Variants in PITPNM2 observed in about 807,000 individuals in gnomAD.
The protein encoded by PITPNM2 is membrane-associated phosphatidylinositol transfer protein 2.
A neutral mutation model predicts 132.2 loss-of-function variants in PITPNM2; 35 were observed. The observed-to-expected ratio is 0.26, with a 90% CI of 0.20 to 0.35. The LOEUF is 0.35. Among genes scored for constraint, PITPNM2 ranks in the 10% least tolerant of loss-of-function variants. The pLI, the probability that PITPNM2 is intolerant of heterozygous loss-of-function variation, is 1.00. For synonymous variants in PITPNM2, 738 were observed against 799.2 expected, an observed-to-expected ratio of 0.92 and a Z score of 1.29; for missense variants, 1,332 against 1,912.0, an observed-to-expected ratio of 0.70 and a Z score of 5.66.
intron 2 of PITPNM2, among the ~76,000 whole-genome samples, chr12:123,085,990 C>T (rs537031298): frequency 2.0e-5 from 3 of 152,368 alleles, no homozygotes; most frequent in African/African-American, 7.2e-5. Flanking sequence ...TGGACACCTC[C>T]CTGGAAGGCA....
intron 6 of PITPNM2, among the ~76,000 whole-genome samples, chr12:123,006,792 G>A (rs754523722): frequency 6.6e-6 from 1 of 151,778 alleles, no homozygotes; most frequent in Non-Finnish European, 1.5e-5. Context: ...GGGTTGCCTT[G>A]GGCCAGGGTG....
Position 122,986,448 on chromosome 12 carries a change from C to A in PITPNM2, c.3714G>T (p.Gln1238His). Residue 1238 changes from glutamine to histidine, a missense_variant, in exon 25 of 26, where the codon CAG becomes CAT. Physicochemically the swap from Gln to His is conservative, Grantham distance 24 (BLOSUM62 0). Transcript: ENST00000320201. ...YIVGRPTKKL[Q>H]QQCQFITDGY... Reference sequence around the variant, plus strand: ...TGCGCCCACTCACCTGGCACTGCTGCTGCAGCTTCTTGGTGGGCCGGCCCA... The same window carrying A: ...TGCGCCCACTCACCTGGCACTGCTGATGCAGCTTCTTGGTGGGCCGGCCCA... 6.4e-7 allele frequency: 1 copy of A among 1,574,230 alleles called. No individual in the cohort carries two copies. Among genetic ancestry groups the A allele is most frequent in the Admixed American group, 1.9e-5 (1 of 53,298 alleles).
intron 2 of PITPNM2, among the ~76,000 whole-genome samples, chr12:123,074,967 G>A (rs2041738185): frequency 6.6e-6 from 1 of 152,224 alleles, no homozygotes; most frequent in Non-Finnish European, 1.5e-5. Context: ...CCGTTTACAT[G>A]GGATCATGTT....
At chr12:123,124,829 T>A (rs1285303571) in intron 1 of PITPNM2, among the ~76,000 whole-genome samples, 1 of 152,216 alleles carries the variant, frequency 6.6e-6, no homozygotes, top group African/African-American at 2.4e-5. Context: ...ATATATATGA[T>A]CTTTATATTT....
intron 2 of PITPNM2, chr12:123,090,313 G>A (rs1169892468): frequency 6.6e-6 from 1 of 152,244 alleles, no homozygotes; most frequent in Non-Finnish European, 1.5e-5. Context: ...GTCCTCACAA[G>A]ATGGTGGCTG....
chr12:123,080,823 A>G lies in PITPNM2; in HGVS notation c.-96+29562T>C, dbSNP rs186189110. Among the ~76,000 whole-genome samples the G allele has an allele frequency of 4.2e-3, 642 of 152,292 alleles. 1 individual carries two copies. Among genetic ancestry groups the G allele is most frequent in the Non-Finnish European group, 7.1e-3 (482 of 68,014 alleles). ...TGAATGGGGCAACAATCTCTACCCC[A>G]TGGGTTTGCTCTAGAGATGATGCTG... On this transcript the variant is annotated intron_variant, in intron 2 of 25. Coordinates refer to ENST00000320201, the MANE Select transcript of PITPNM2 (RefSeq NM_020845.3).
chr12:123,066,799 C>G (rs559344346), intron 2 of PITPNM2, among the ~76,000 whole-genome samples: 1 of 152,042 alleles, frequency 6.6e-6, no homozygotes, highest in Non-Finnish European at 1.5e-5. Flanking sequence ...GCCTACTGGA[C>G]CCCCTCGGCT....
intron 2 of PITPNM2, among the ~76,000 whole-genome samples, chr12:123,076,397 T>TG (rs1771328064): frequency 6.6e-6 from 1 of 152,182 alleles, no homozygotes; most frequent in Admixed American, 6.5e-5. Flanking sequence ...AACAGGGCTT[T>TG]GGGGAGATAA....
rs1014835595 is a variant in PITPNM2, at chr12:122,984,881, A to G, written c.*1146T>C. On this transcript the variant is annotated 3_prime_UTR_variant, in exon 26 of 26. Transcript: ENST00000320201. ...GGTCAGACCCAGCGTGCAGGACAGC[A>G]TGGTCCTTGTTCAGGCGAGAAATGA... 5 of 152,294 alleles carry G rather than the reference A, an allele frequency of 3.3e-5. No individual in the cohort carries two copies. The highest frequency in any genetic ancestry group is 2.0e-4 in the Admixed American group (3 of 15,286). 9.4% of individuals were successfully genotyped at this position (152,294 alleles called of 1,614,324 possible). A position where few individuals can be genotyped will look rare whatever the true frequency, so the allele number is the denominator to read the frequency against.
chr12:123,004,557 C>A lies in PITPNM2; in HGVS notation c.953-68G>T, dbSNP rs770716090. ...GGGCCCAGAGGCTGCCCTGAGCCGG[C>A]AGGAGGCAGGGAGGGCCACCCACAG... On this transcript the variant is annotated intron_variant, in intron 7 of 25. Transcript: ENST00000320201. The surrounding 1 kb of genome is among the most constrained non-coding windows in gnomAD (Gnocchi z 4.9). 1.5e-5 allele frequency: 23 copies of A among 1,516,598 alleles called. No homozygotes were observed. In the African/African-American group the frequency reaches 2.3e-4, roughly 15 times the overall value. 93.9% of individuals were successfully genotyped at this position (1,516,598 alleles called of 1,614,324 possible).
rs1330623725 is a variant in PITPNM2, at chr12:122,997,427, T to A, written c.1370A>T (p.Asp457Val). 1 of 1,613,418 alleles carries A rather than the reference T, an allele frequency of 6.2e-7. No individual in the cohort carries two copies. The highest frequency in any genetic ancestry group is 1.3e-5 in the African/African-American group (1 of 74,928). Residue 457 changes from aspartate (D) to valine (V), a missense_variant, in exon 11 of 26, where the codon GAC becomes GTC. By Grantham distance (152) the Asp-to-Val change is radical. Transcript: ENST00000320201. ...GGGGTAGTGCACGCGCATGACGGTG[T>A]CGAACACGTTGGCGATGGTGTTAGC... ...GDANTIANVF[D>V]TVMRVHYPSA...
At chr12:123,142,410 G>T (rs1565883759) in intron 1 of PITPNM2, among the ~76,000 whole-genome samples, 1 of 152,256 alleles carries the variant, frequency 6.6e-6, no homozygotes, top group Non-Finnish European at 1.5e-5. Context: ...GGGGAAGAAT[G>T]AAGTCTCGAG....
intron 11 of PITPNM2, among the ~76,000 whole-genome samples, 185 bp from the exon 12 acceptor site, chr12:122,997,095 A>G (rs2038462372): frequency 1.3e-5 from 2 of 152,122 alleles, no homozygotes; most frequent in Admixed American, 1.3e-4. Context: ...GCAGGCCAAT[A>G]TCCCCACATT....
At chr12:123,029,002 C>T (rs2039974191) in intron 3 of PITPNM2, among the ~76,000 whole-genome samples, 1 of 152,174 alleles carries the variant, frequency 6.6e-6, no homozygotes, top group Non-Finnish European at 1.5e-5. Context: ...CCCTCCTGCC[C>T]ACCTGCTCTG....
chr12:123,014,129 T>A (rs920757680), intron 3 of PITPNM2, 87 bp from the exon 4 acceptor site: 4 of 1,428,190 alleles, frequency 2.8e-6, no homozygotes, highest in African/African-American at 1.4e-5. Flanking sequence ...CCCAGGGGTG[T>A]GGAAAGGGAG....
At chr12:122,995,206 T>C (rs2038371198) in intron 14 of PITPNM2, among the ~76,000 whole-genome samples, 183 bp downstream of exon 14, 1 of 152,142 alleles carries the variant, frequency 6.6e-6, no homozygotes, top group South Asian at 2.1e-4. Context: ...CCTTGGTGTA[T>C]ATGAGACAAG....
intron 3 of PITPNM2, among the ~76,000 whole-genome samples, chr12:123,025,064 TC>T (rs2039808192): frequency 6.6e-6 from 1 of 152,184 alleles, no homozygotes; most frequent in Non-Finnish European, 1.5e-5. Context: ...TGAATGTCCC[TC>T]CCCGTGTCCA....
At chr12:123,037,429 C>G (rs2040310766) in intron 2 of PITPNM2, among the ~76,000 whole-genome samples, 1 of 152,228 alleles carries the variant, frequency 6.6e-6, no homozygotes, top group Admixed American at 6.5e-5. Flanking sequence ...ACAGCAGGTG[C>G]TTGGTGTGAA....
chr12:123,143,456 A>G (rs2043548532), intron 1 of PITPNM2, among the ~76,000 whole-genome samples: 1 of 152,232 alleles, frequency 6.6e-6, no homozygotes, highest in Non-Finnish European at 1.5e-5. Flanking sequence ...GAGGAGAAAC[A>G]GTAATAATCC....
Sources: gnomAD v4.1 joint callset for allele counts (sites outside exome capture counted in the v4.1 genomes callset) on GRCh38, gnomAD v4.1.1 for gene constraint, Gnocchi (gnomAD v3.1) non-coding constraint, MANE v1.5 for transcripts, NCBI Gene and HGNC (gene_info 2026-07-23, HGNC 2026-07-21) for gene names.